The following TAOK3 variants were observed in gnomAD, a reference collection of about 807,000 sequenced individuals.
TAOK3 encodes TAO kinase 3.
TAOK3 carries 40 observed loss-of-function variants against 120.4 expected under a neutral mutation model. The observed-to-expected ratio is 0.33, with a 90% CI of 0.26 to 0.43. The LOEUF (loss-of-function observed/expected upper bound fraction) is 0.43, where lower values mean the gene tolerates loss of function less well. Among genes scored for constraint, TAOK3 ranks in the 20% least tolerant of loss-of-function variants. The pLI is 1.00. For missense variants in TAOK3, 821 were observed against 1,112.1 expected (o/e 0.74, Z 3.72); for synonymous variants, 355 against 387.5 (o/e 0.92, Z 0.99).
intron 1 of TAOK3, among the ~76,000 whole-genome samples, chr12:118,346,652 G>A (rs1056731308): frequency 6.6e-6 from 1 of 152,108 alleles, no homozygotes; most frequent in Non-Finnish European, 1.5e-5. Flanking sequence ...AGGCCTAACT[G>A]GTAGTCTATA....
chr12:118,317,755 C>T (rs2043531087), intron 1 of TAOK3, among the ~76,000 whole-genome samples: 1 of 152,012 alleles, frequency 6.6e-6, no homozygotes, highest in South Asian at 2.1e-4. Context: ...AATGGAAAAA[C>T]CTGTCCTAAA....
At chr12:118,273,676 C>T (rs556597602) in intron 1 of TAOK3, among the ~76,000 whole-genome samples, 6 of 150,956 alleles carry the variant, frequency 4.0e-5, no homozygotes, top group South Asian at 4.2e-4. Flanking sequence ...ATTAGCTGGG[C>T]GTGGTGGCGC....
intron 1 of TAOK3, among the ~76,000 whole-genome samples, chr12:118,304,843 C>T (rs1340912800): frequency 6.6e-6 from 1 of 152,112 alleles, no homozygotes; most frequent in Admixed American, 6.5e-5. Flanking sequence ...CCTCATTTTC[C>T]GTTGCTATGA....
At chr12:118,347,279 C>G (rs984374445) in intron 1 of TAOK3, among the ~76,000 whole-genome samples, 3 of 152,182 alleles carry the variant, frequency 2.0e-5, no homozygotes, top group Non-Finnish European at 2.9e-5. Context: ...TCCCCAAGTG[C>G]TGGGATTACA....
chr12:118,224,168 AGT>A (rs2139688058), intron 9 of TAOK3, among the ~76,000 whole-genome samples: 1 of 152,328 alleles, frequency 6.6e-6, no homozygotes, highest in South Asian at 2.1e-4. Context: ...CAAATCACAT[AGT>A]GTTTACGCTG....
At chr12:118,211,262 G>A (rs2038616132) in intron 11 of TAOK3, among the ~76,000 whole-genome samples, 3 of 152,066 alleles carry the variant, frequency 2.0e-5, no homozygotes, top group Admixed American at 1.3e-4. Flanking sequence ...TTTCTTCAAG[G>A]ATATCTTTAA....
chr12:118,242,333 G>T (rs1483957256), intron 5 of TAOK3, among the ~76,000 whole-genome samples: 1 of 152,126 alleles, frequency 6.6e-6, no homozygotes, highest in Admixed American at 6.6e-5. Flanking sequence ...AAAGTTCCTT[G>T]AACAGAAATA....
intron 13 of TAOK3, among the ~76,000 whole-genome samples, chr12:118,194,844 G>T (rs752036228): frequency 6.6e-6 from 1 of 151,962 alleles, no homozygotes; most frequent in Non-Finnish European, 1.5e-5. Context: ...TCCTCCCCAG[G>T]TTTAAGCAAT....
Position 118,160,135 on chromosome 12 carries a change from T to G in TAOK3, c.2352+11A>C. On this transcript the variant is annotated intron_variant, in intron 19 of 20. Transcript: ENST00000392533. This position sits in a 1 kb window ranked among gnomAD's most constrained non-coding sequence, Gnocchi z 4.2. ...GCTCTCGAAGCCGTGGCACCAAACCTAACCACTTACCGCTTGAGAGGCCAT... is the reference window on the plus strand; with the variant it reads ...GCTCTCGAAGCCGTGGCACCAAACCGAACCACTTACCGCTTGAGAGGCCAT... 1 of 1,610,258 alleles carries G rather than the reference T, an allele frequency of 6.2e-7. No individual in the cohort carries two copies. Among genetic ancestry groups the G allele is most frequent in the Non-Finnish European group, 8.5e-7 (1 of 1,176,494 alleles).
intron 1 of TAOK3, among the ~76,000 whole-genome samples, chr12:118,364,738 C>T (rs906320533): frequency 6.6e-6 from 1 of 151,984 alleles, no homozygotes; most frequent in Non-Finnish European, 1.5e-5. Flanking sequence ...TGAAATCCCC[C>T]TACTAAAAAT....
chr12:118,334,900 C>T lies in TAOK3; in HGVS notation c.-194+37748G>A, dbSNP rs58346384. Reference sequence around the variant, plus strand: ...TCCGTCTCCAAAAAAAAAAAAAGGCCGGGCTTAGTGGCTCATGCCTGTAAT... The same window carrying T: ...TCCGTCTCCAAAAAAAAAAAAAGGCTGGGCTTAGTGGCTCATGCCTGTAAT... On this transcript the variant is annotated intron_variant, in intron 1 of 20. Coordinates refer to ENST00000392533, the MANE Select transcript of TAOK3 (RefSeq NM_016281.4). Among the ~76,000 whole-genome samples the T allele has an allele frequency of 5.3e-5, 8 of 150,554 alleles. No individual in the cohort carries two copies. In the South Asian group the frequency reaches 8.4e-4, roughly 16 times the overall value.
intron 1 of TAOK3, among the ~76,000 whole-genome samples, chr12:118,361,919 A>ATAATAC (rs1397019156): frequency 6.6e-6 from 1 of 151,964 alleles, no homozygotes; most frequent in Non-Finnish European, 1.5e-5. Flanking sequence ...AATAAAAATA[A>ATAATAC]TAATAATAAA....
In TAOK3 at chr12:118,311,557, C is replaced by T. The variant is rs549959336; in HGVS notation, c.-193-44798G>A. Reference sequence around the variant, plus strand: ...AACTCTTATTAGCCTGAAACATGGCCTTTGGCCCTTCCTCATAGGAATCCC... The same window carrying T: ...AACTCTTATTAGCCTGAAACATGGCTTTTGGCCCTTCCTCATAGGAATCCC... On this transcript the variant is annotated intron_variant, in intron 1 of 20. Transcript: ENST00000392533. Among the ~76,000 whole-genome samples the T allele has an allele frequency of 5.3e-5, 8 of 152,288 alleles. No individual in the cohort carries two copies. In the South Asian group the frequency reaches 1.7e-3, roughly 32 times the overall value.
At chr12:118,266,947 G>T (rs1367025392) in intron 1 of TAOK3, among the ~76,000 whole-genome samples, 188 bp from the exon 2 acceptor site, 1 of 152,120 alleles carries the variant, frequency 6.6e-6, no homozygotes, top group Admixed American at 6.5e-5. Context: ...CTCTTTCACA[G>T]GCAATATCTG....
chr12:118,234,081 TAC>T (rs1311319368), intron 8 of TAOK3, among the ~76,000 whole-genome samples: 1 of 152,126 alleles, frequency 6.6e-6, no homozygotes, highest in Non-Finnish European at 1.5e-5. Flanking sequence ...ATAGCAACTT[TAC>T]AGAGATTTGT....
chr12:118,227,844 T>G (rs1451263712), intron 9 of TAOK3, among the ~76,000 whole-genome samples: 2 of 152,158 alleles, frequency 1.3e-5, no homozygotes, highest in Non-Finnish European at 2.9e-5. Context: ...ATTCTAAAAC[T>G]TACTCCATAC....
intron 1 of TAOK3, among the ~76,000 whole-genome samples, chr12:118,350,015 T>A (rs2045063799): frequency 6.6e-6 from 1 of 152,220 alleles, no homozygotes; most frequent in Non-Finnish European, 1.5e-5. Context: ...CAATATAACA[T>A]AAAATTATTA....
At chr12:118,168,635 T>A (rs1427927040) in intron 17 of TAOK3, among the ~76,000 whole-genome samples, 1 of 152,204 alleles carries the variant, frequency 6.6e-6, no homozygotes, top group East Asian at 1.9e-4. Context: ...GGAATAAGAC[T>A]AAACAAAAGA....
At chr12:118,367,917 AC>A (rs2045785462) in intron 1 of TAOK3, among the ~76,000 whole-genome samples, 1 of 152,202 alleles carries the variant, frequency 6.6e-6, no homozygotes, top group Non-Finnish European at 1.5e-5. Context: ...ACTGATAGCA[AC>A]AAATATGAAT....
Sources: allele counts gnomAD v4.1 joint callset (sites outside exome capture counted in the v4.1 genomes callset), GRCh38; gene constraint gnomAD v4.1.1; non-coding constraint Gnocchi (gnomAD v3.1); transcripts MANE v1.5; gene names NCBI Gene and HGNC (gene_info 2026-07-23, HGNC 2026-07-21).